The following FAR2 variants were observed in gnomAD, a reference collection of about 807,000 sequenced individuals.
The protein encoded by FAR2 is fatty acyl-CoA reductase 2, also known as epididymis secretory protein Li 81.
FAR2 carries 19 observed loss-of-function variants against 56.0 expected under a neutral mutation model. The observed-to-expected ratio is 0.34, with a 90% CI of 0.24 to 0.50. The LOEUF is 0.50. Ranked by LOEUF, FAR2 falls within the 20% of genes least tolerant of loss-of-function variation. The pLI, the probability that FAR2 is intolerant of heterozygous loss-of-function variation, is 0.98. For synonymous variants in FAR2, 219 were observed against 218.8 expected (o/e 1.00, Z -0.01); for missense variants, 508 against 642.2 (o/e 0.79, Z 2.26).
chr12:29,207,365 A>T (rs78911278), intron 1 of FAR2, among the ~76,000 whole-genome samples: 1,804 of 152,242 alleles, frequency 0.012, 37 homozygotes, highest in African/African-American at 0.04. Flanking sequence ...ATACTATGGG[A>T]ATGTGATTCA....
At chr12:29,277,728 T>A (rs1216751933) in intron 2 of FAR2, 1 of 152,168 alleles carries the variant, frequency 6.6e-6, no homozygotes, top group Non-Finnish European at 1.5e-5. Context: ...GGAGGGCATT[T>A]CTTTCAGGTA....
chr12:29,154,013 T>G (rs1042607896), intron 1 of FAR2, among the ~76,000 whole-genome samples: 3 of 151,930 alleles, frequency 2.0e-5, no homozygotes, highest in Non-Finnish European at 2.9e-5. Flanking sequence ...AGGGAGGAGA[T>G]TTTTGCTTTT....
chr12:29,203,970 A>G (rs958712880), intron 1 of FAR2, among the ~76,000 whole-genome samples: 4 of 128,346 alleles, frequency 3.1e-5, no homozygotes, highest in Non-Finnish European at 4.7e-5. Flanking sequence ...ACCACACTCC[A>G]GCCTGGGAGA....
At position 29,270,562 on chromosome 12, in the gene FAR2, A is replaced by G. The variant is rs772568426; in HGVS notation, c.113A>G (p.Lys38Arg). ...CTGTTTCGCACCAGCCCAGACCTGA[A>G]AGTCATTTACATCCTTGTGAGGCCC... ...EKLFRTSPDL[K>R]VIYILVRPKA... The change falls in exon 2 of 12, where the codon AAA (lysine) becomes AGA (arginine). Residue 38 changes from lysine to arginine, a missense_variant. Transcript: ENST00000536681. The G allele has an allele frequency of 6.2e-7, 1 of 1,614,140 alleles. No homozygotes were observed. Among genetic ancestry groups the G allele is most frequent in the South Asian group, 1.1e-5 (1 of 91,066 alleles).
chr12:29,240,219 T>C (rs1432642261), intron 1 of FAR2, among the ~76,000 whole-genome samples: 2 of 152,208 alleles, frequency 1.3e-5, no homozygotes, highest in South Asian at 2.1e-4. Flanking sequence ...TTCCCTTTAG[T>C]AAGCAAAAAC....
intron 1 of FAR2, among the ~76,000 whole-genome samples, chr12:29,248,253 G>A (rs559020127): frequency 5.3e-5 from 8 of 152,124 alleles, no homozygotes; most frequent in African/African-American, 7.2e-5. Context: ...AGGGTATATC[G>A]GGGAACCTGC....
intron 1 of FAR2, among the ~76,000 whole-genome samples, chr12:29,259,929 G>T (rs1005659742): frequency 6.6e-6 from 1 of 152,140 alleles, no homozygotes; most frequent in African/African-American, 2.4e-5. Context: ...ATGAGGGGTA[G>T]GAAATTATCC....
At chr12:29,321,491 T>C (rs1485288010) in intron 9 of FAR2, among the ~76,000 whole-genome samples, 1 of 152,188 alleles carries the variant, frequency 6.6e-6, no homozygotes, top group Non-Finnish European at 1.5e-5. Flanking sequence ...GAACAGTATG[T>C]CATTCAAGCT....
chr12:29,308,379 T>A (rs1156521931), intron 5 of FAR2, among the ~76,000 whole-genome samples: 2 of 152,042 alleles, frequency 1.3e-5, no homozygotes, highest in African/African-American at 4.8e-5. Context: ...AATGCAACAT[T>A]TTTGAGTTGT....
intron 1 of FAR2, among the ~76,000 whole-genome samples, chr12:29,217,984 A>AGAGGAGGAG (rs143213052): frequency 1.7e-4 from 26 of 151,408 alleles, no homozygotes; most frequent in African/African-American, 6.1e-4. Flanking sequence ...AAGAAGACAA[A>AGAGGAGGAG]GAGGAGGAGG....
intron 1 of FAR2, among the ~76,000 whole-genome samples, chr12:29,214,701 A>T (rs1947598995): frequency 6.6e-6 from 1 of 152,002 alleles, no homozygotes; most frequent in South Asian, 2.1e-4. Flanking sequence ...GGTGCCTGTA[A>T]TCCCAGCTAC....
chr12:29,329,921 T>C (rs543837795), intron 10 of FAR2, among the ~76,000 whole-genome samples: 219 of 152,286 alleles, frequency 1.4e-3, no homozygotes, highest in African/African-American at 4.9e-3. Context: ...TAAGTTGCTG[T>C]AGTTAATTTA....
intron 1 of FAR2, among the ~76,000 whole-genome samples, chr12:29,191,359 A>G (rs1950101691): frequency 6.6e-6 from 1 of 152,232 alleles, no homozygotes; most frequent in Non-Finnish European, 1.5e-5. Flanking sequence ...AGGATTTGTC[A>G]CAGGTGATTC....
At chr12:29,173,702 GT>G (rs889831686) in intron 1 of FAR2, among the ~76,000 whole-genome samples, 5 of 152,050 alleles carry the variant, frequency 3.3e-5, no homozygotes, top group African/African-American at 9.7e-5. Flanking sequence ...ATACCTGAGT[GT>G]TTCCCACCTG....
intron 1 of FAR2, among the ~76,000 whole-genome samples, chr12:29,253,250 G>GATATCTATCTCT (rs1948250129): frequency 2.2e-5 from 1 of 45,404 alleles, no homozygotes; most frequent in Non-Finnish European, 4.6e-5. Context: ...TCTATATATC[G>GATATCTATCTCT]ATATCTATCT....
intron 1 of FAR2, chr12:29,171,615 C>A (rs559749068): frequency 6.6e-6 from 1 of 151,970 alleles, no homozygotes; most frequent in African/African-American, 2.4e-5. Context: ...GCCTGCCAAC[C>A]GCCTGTGAAG....
intron 1 of FAR2, among the ~76,000 whole-genome samples, chr12:29,205,820 G>A (rs1025459735): frequency 2.1e-5 from 3 of 141,532 alleles, no homozygotes; most frequent in Admixed American, 7.5e-5. Flanking sequence ...AAAGAGGTCC[G>A]GAACTTATTC....
Position 29,321,601 on chromosome 12 carries a change from G to T in FAR2, c.1128-194G>T, listed in dbSNP as rs970992869. The stretch of plus-strand genomic sequence containing the variant: ...ATGCCTAACAGAACAAGCTCCTTTA[G>T]ATCCAGCCCTTTTCTTTTTCTGTTG... On this transcript the variant is annotated intron_variant, in intron 9 of 11. Coordinates refer to ENST00000536681, the MANE Select transcript of FAR2 (RefSeq NM_001271783.2). 2.0e-5 allele frequency among the ~76,000 whole-genome samples: 3 copies of T among 152,190 alleles called. No individual in the cohort carries two copies. The South Asian group carries it at 6.2e-4, about 32-fold the overall frequency.
At chr12:29,284,293 T>TA (rs1203702261) in intron 2 of FAR2, among the ~76,000 whole-genome samples, 1 of 152,190 alleles carries the variant, frequency 6.6e-6, no homozygotes, top group Admixed American at 6.5e-5. Flanking sequence ...TTTGAGTACT[T>TA]AGTATATAAG....
Sources: gnomAD v4.1 joint callset for allele counts (sites outside exome capture counted in the v4.1 genomes callset) on GRCh38, gnomAD v4.1.1 for gene constraint, MANE v1.5 for transcripts, NCBI Gene and HGNC (gene_info 2026-07-23, HGNC 2026-07-21) for gene names.